SLC25A26: variants seen among roughly 807,000 people sequenced by gnomAD.
SLC25A26 encodes solute carrier family 25 member 26.
In SLC25A26, 36 loss-of-function variants were observed where a neutral mutation model predicts 37.8. The ratio of observed to expected loss-of-function variants is 0.95; its 90% CI spans 0.73 to 1.26. The LOEUF (loss-of-function observed/expected upper bound fraction) is 1.26, where lower values mean the gene tolerates loss of function less well. Ranked by LOEUF, SLC25A26 falls within the 50% of genes most tolerant of loss-of-function variation. The pLI, the probability that SLC25A26 is intolerant of heterozygous loss-of-function variation, is 0.00. For synonymous variants in SLC25A26, 129 were observed against 122.5 expected (o/e 1.05, Z -0.35); for missense variants, 390 against 331.1 (o/e 1.18, Z -1.38).
intron 5 of SLC25A26, among the ~76,000 whole-genome samples, chr3:66,296,309 TAA>T (rs1197184081): frequency 6.6e-5 from 10 of 152,214 alleles, no homozygotes; most frequent in African/African-American, 2.4e-4. Context: ...CTTTGATCTG[TAA>T]ATAACAGATG....
intron 3 of SLC25A26, among the ~76,000 whole-genome samples, chr3:66,247,268 T>A (rs897558137): frequency 2.0e-5 from 3 of 150,992 alleles, no homozygotes; most frequent in Non-Finnish European, 4.4e-5. Flanking sequence ...TAAATATAAA[T>A]ATATATATAT....
intron 5 of SLC25A26, among the ~76,000 whole-genome samples, chr3:66,336,998 T>G (rs1188023676): frequency 6.6e-6 from 1 of 152,142 alleles, no homozygotes; most frequent in Admixed American, 6.5e-5. Flanking sequence ...CAGACATGTG[T>G]TGGAAAATCT....
upstream of SLC25A26, among the ~76,000 whole-genome samples, chr3:66,219,019 T>G (rs1158563530): frequency 1.3e-5 from 2 of 152,374 alleles, no homozygotes; most frequent in Admixed American, 1.3e-4. Flanking sequence ...CTTTAGTCTG[T>G]TAAATTTTGG....
At chr3:66,296,887 T>C (rs2074919301) in intron 5 of SLC25A26, among the ~76,000 whole-genome samples, 1 of 152,208 alleles carries the variant, frequency 6.6e-6, no homozygotes, top group Admixed American at 6.5e-5. Flanking sequence ...TCGATTCTGT[T>C]TTCCACACTC....
At chr3:66,376,576 A>G (rs1002291955) in intron 9 of SLC25A26, among the ~76,000 whole-genome samples, 1 of 152,222 alleles carries the variant, frequency 6.6e-6, no homozygotes, top group Non-Finnish European at 1.5e-5. Context: ...GGTATGTACA[A>G]TTTTTAGACA....
intron 1 of SLC25A26, among the ~76,000 whole-genome samples, chr3:66,178,612 T>C (rs150506159): frequency 1.2e-3 from 189 of 152,132 alleles, no homozygotes; most frequent in African/African-American, 4.5e-3. Flanking sequence ...TCTTAGGGAG[T>C]CCCAAACTGA....
chr3:66,135,715 G>A (rs1250145207), intron 1 of SLC25A26, among the ~76,000 whole-genome samples: 1 of 152,142 alleles, frequency 6.6e-6, no homozygotes, highest in African/African-American at 2.4e-5. Flanking sequence ...GCTTCAGTGA[G>A]CCCTGATGGC....
rs2074471106 is a variant in SLC25A26 at position 66,285,244 on chromosome 3, C to G, written c.453+21865C>G. The stretch of plus-strand genomic sequence containing the variant: ...TAAAAATACTTTCAAAGAAAGATTG[C>G]TATCCACTTGTTAAACATTATTATT... On this transcript the variant is annotated intron_variant, in intron 5 of 9. Transcript: ENST00000354883. Among the ~76,000 whole-genome samples the G allele has an allele frequency of 2.0e-5, 3 of 151,988 alleles. No homozygotes were observed. The South Asian group carries it at 6.2e-4, about 32-fold the overall frequency.
chr3:66,236,514 T>C (rs968220674), intron 1 of SLC25A26, 30 bp from the exon 2 acceptor site: 5 of 1,428,492 alleles, frequency 3.5e-6, no homozygotes, highest in Admixed American at 2.5e-5. Context: ...CCTTTTTTTT[T>C]TCTTTTTCTT....
At chr3:66,236,779 G>T (rs2072313408) in intron 2 of SLC25A26, 79 bp downstream of exon 2, 1 of 1,090,062 alleles carries the variant, frequency 9.2e-7, no homozygotes, top group South Asian at 2.3e-5. Context: ...TACCCCCATA[G>T]AATTCCTTGT....
chr3:66,259,770 G>C (rs2073449200), intron 3 of SLC25A26, among the ~76,000 whole-genome samples: 1 of 152,090 alleles, frequency 6.6e-6, no homozygotes, highest in African/African-American at 2.4e-5. Flanking sequence ...ATTGCAGCCA[G>C]AGTGATCTCC....
chr3:66,221,031 G>A lies in SLC25A26; in HGVS notation c.-64G>A, dbSNP rs1039875269. 1 of 1,517,368 alleles carries A rather than the reference G, an allele frequency of 6.6e-7. No individual in the cohort carries two copies. Among genetic ancestry groups the A allele is most frequent in the South Asian group, 1.2e-5 (1 of 83,650 alleles). The allele number at this position is 1,517,368 out of a possible 1,614,324, so 94.0% of individuals were successfully genotyped here. The stretch of plus-strand genomic sequence containing the variant: ...CGCCTCAAACATGGCGGCGCCCAGC[G>A]CGCGAGGACGTGATCCGCTTCTGCT... On this transcript the variant is annotated 5_prime_UTR_variant, in exon 1 of 10. Coordinates refer to ENST00000354883, the MANE Select transcript of SLC25A26 (RefSeq NM_001379210.1).
intron 6 of SLC25A26, among the ~76,000 whole-genome samples, chr3:66,346,994 C>G (rs2076341225): frequency 6.6e-6 from 1 of 151,866 alleles, no homozygotes; most frequent in African/African-American, 2.4e-5. Flanking sequence ...GTCAGACAAC[C>G]TTGGGGAAGG....
chr3:66,320,022 A>G (rs1386017794), intron 5 of SLC25A26, among the ~76,000 whole-genome samples: 16 of 152,134 alleles, frequency 1.1e-4, no homozygotes, highest in Admixed American at 5.9e-4. Flanking sequence ...CTGGAAAGCA[A>G]TTTAATCTTT....
chr3:66,198,898 C>G (rs1016021856), intron 1 of SLC25A26, among the ~76,000 whole-genome samples: 7 of 151,812 alleles, frequency 4.6e-5, no homozygotes, highest in African/African-American at 1.7e-4. Flanking sequence ...CTGATCTTGA[C>G]CTTGATCTGT....
At chr3:66,280,916 A>G (rs915432319) in intron 5 of SLC25A26, among the ~76,000 whole-genome samples, 7 of 152,222 alleles carry the variant, frequency 4.6e-5, no homozygotes, top group African/African-American at 1.7e-4. Flanking sequence ...CCATTATCAC[A>G]CCCAAGAAAT....
At chr3:66,261,891 G>A (rs1020765978) in intron 3 of SLC25A26, among the ~76,000 whole-genome samples, 160 bp from the exon 4 acceptor site, 1 of 151,520 alleles carries the variant, frequency 6.6e-6, no homozygotes, top group Non-Finnish European at 1.5e-5. Context: ...ATGCTTTAAG[G>A]GTCCAAGAGT....
chr3:66,250,559 G>A (rs1297706409), intron 3 of SLC25A26, among the ~76,000 whole-genome samples: 1 of 152,202 alleles, frequency 6.6e-6, no homozygotes, highest in Non-Finnish European at 1.5e-5. Context: ...CCAGTCAGCT[G>A]TGCTGGTGTA....
intron 1 of SLC25A26, among the ~76,000 whole-genome samples, chr3:66,153,139 G>T (rs1576598814): frequency 6.6e-6 from 1 of 152,060 alleles, no homozygotes; most frequent in Admixed American, 6.5e-5. Context: ...AGCTATTTTT[G>T]GTCGTCACGA....
Sources: gnomAD v4.1 joint callset for allele counts (sites outside exome capture counted in the v4.1 genomes callset) on GRCh38, gnomAD v4.1.1 for gene constraint, MANE v1.5 for transcripts, NCBI Gene and HGNC (gene_info 2026-07-23, HGNC 2026-07-21) for gene names.